DLGAP1: variants seen among roughly 807,000 people sequenced by gnomAD.
The protein encoded by DLGAP1 is DLG associated protein 1.
In DLGAP1, 11 loss-of-function variants were observed where a neutral mutation model predicts 90.8. That is an observed-to-expected ratio of 0.12 (90% confidence interval 0.08 to 0.20). The LOEUF (loss-of-function observed/expected upper bound fraction) is 0.20, where lower values mean the gene tolerates loss of function less well. Ranked by LOEUF, DLGAP1 falls within the 10% of genes least tolerant of loss-of-function variation. The pLI is 1.00. For missense variants in DLGAP1, 1,050 were observed against 1,333.8 expected (o/e 0.79, Z 3.31); for synonymous variants, 558 against 540.7 (o/e 1.03, Z -0.44).
intron 7 of DLGAP1, among the ~76,000 whole-genome samples, chr18:3,686,078 G>A (rs1477777886): frequency 6.6e-6 from 1 of 152,154 alleles, no homozygotes; most frequent in Non-Finnish European, 1.5e-5. Flanking sequence ...TTGGGAGGCT[G>A]AGGCAGGAGA....
At chr18:4,202,162 T>C (rs2077620912) in intron 1 of DLGAP1, among the ~76,000 whole-genome samples, 1 of 151,990 alleles carries the variant, frequency 6.6e-6, no homozygotes, top group Admixed American at 6.5e-5. Context: ...CACCATAGGA[T>C]ACTATTCAGC....
At chr18:3,553,376 T>C (rs553459116) in intron 9 of DLGAP1, among the ~76,000 whole-genome samples, 6 of 152,358 alleles carry the variant, frequency 3.9e-5, no homozygotes, top group Admixed American at 1.3e-4. Flanking sequence ...GATAGGATTA[T>C]GGGCGACTTT....
At chr18:3,884,880 A>T (rs1364850201) in intron 3 of DLGAP1, among the ~76,000 whole-genome samples, 1 of 152,242 alleles carries the variant, frequency 6.6e-6, no homozygotes, top group African/African-American at 2.4e-5. Flanking sequence ...GTCATAAAAA[A>T]TGGCAATAAA....
At chr18:4,323,713 T>TA (rs1568514008) in intron 1 of DLGAP1, among the ~76,000 whole-genome samples, 1 of 152,018 alleles carries the variant, frequency 6.6e-6, no homozygotes, top group South Asian at 2.1e-4. Context: ...AACCAATACT[T>TA]AAAAAATCAC....
chr18:3,903,041 A>C (rs1246024326), intron 3 of DLGAP1, among the ~76,000 whole-genome samples: 1 of 152,134 alleles, frequency 6.6e-6, no homozygotes, highest in Non-Finnish European at 1.5e-5. Context: ...CCATGTGTAC[A>C]CTGTGTTTAA....
intron 2 of DLGAP1, among the ~76,000 whole-genome samples, chr18:4,061,496 G>T (rs1300522465): frequency 6.6e-6 from 1 of 152,046 alleles, no homozygotes; most frequent in Non-Finnish European, 1.5e-5. Context: ...TCACTGTTCT[G>T]CTCTTTAACA....
intron 2 of DLGAP1, among the ~76,000 whole-genome samples, chr18:4,012,237 T>C (rs1469502645): frequency 6.6e-6 from 1 of 152,176 alleles, no homozygotes; most frequent in Non-Finnish European, 1.5e-5. Context: ...AATGTTCTAA[T>C]ACATCTGCTT....
intron 7 of DLGAP1, among the ~76,000 whole-genome samples, chr18:3,644,358 A>T (rs2059043953): frequency 6.6e-6 from 1 of 152,166 alleles, no homozygotes. Context: ...ATTTATCCTG[A>T]AGACATATTA....
At chr18:4,427,667 A>G in intron 1 of DLGAP1, among the ~76,000 whole-genome samples, 1 of 152,210 alleles carries the variant, frequency 6.6e-6, no homozygotes, top group Non-Finnish European at 1.5e-5. Flanking sequence ...TGGTCAATCC[A>G]GCCTCAGACA....
intron 8 of DLGAP1, among the ~76,000 whole-genome samples, chr18:3,571,027 A>AT (rs1344209817): frequency 1.3e-5 from 2 of 151,842 alleles, no homozygotes; most frequent in African/African-American, 4.8e-5. Flanking sequence ...TTAACATCAA[A>AT]TTGTCAAGCT....
intron 7 of DLGAP1, among the ~76,000 whole-genome samples, chr18:3,641,831 G>A (rs566345142): frequency 6.6e-6 from 1 of 152,262 alleles, no homozygotes; most frequent in African/African-American, 2.4e-5. Context: ...AGCCTTTCAA[G>A]AGGATACAAA....
chr18:4,022,732 A>T (rs1045046585), intron 2 of DLGAP1, among the ~76,000 whole-genome samples: 4 of 152,000 alleles, frequency 2.6e-5, no homozygotes, highest in Admixed American at 2.0e-4. Context: ...TGTTGGGTGT[A>T]TCCACACTAA....
rs1542518 is a variant in DLGAP1 at position 4,411,953 on chromosome 18, G to T, written c.-267+43053C>A. Among the ~76,000 whole-genome samples the T allele has an allele frequency of 6.6e-5, 10 of 152,012 alleles. No individual in the cohort carries two copies. The East Asian group carries it at 1.6e-3, about 24-fold the overall frequency. Reference sequence around the variant, plus strand: ...TCAAAAGTCCAGCTCAGGTTCAAGGGGAGCAAAAAATAAGCTCAATTTCTG... The same window carrying T: ...TCAAAAGTCCAGCTCAGGTTCAAGGTGAGCAAAAAATAAGCTCAATTTCTG... On this transcript the variant is annotated intron_variant, in intron 1 of 12. Transcript: ENST00000315677.
At chr18:3,803,956 TCATA>T (rs1480130398) in intron 5 of DLGAP1, among the ~76,000 whole-genome samples, 1 of 84,630 alleles carries the variant, frequency 1.2e-5, no homozygotes, top group Non-Finnish European at 2.5e-5. Context: ...TTATGTAGGT[TCATA>T]TATATATATA....
At chr18:3,759,322 A>C (rs2063855292) in intron 5 of DLGAP1, among the ~76,000 whole-genome samples, 1 of 152,126 alleles carries the variant, frequency 6.6e-6, no homozygotes, top group East Asian at 1.9e-4. Context: ...CAACTGGAGA[A>C]ACTGTTCAAA....
At chr18:3,601,706 A>G (rs667829) in intron 7 of DLGAP1, among the ~76,000 whole-genome samples, 118,756 of 151,792 alleles carry the variant, frequency 0.78, 46,600 homozygotes, top group African/African-American at 0.84. Flanking sequence ...TTAGCCGGTC[A>G]TGGTGGCCTG....
chr18:3,922,845 G>A (rs1190711072), intron 3 of DLGAP1, among the ~76,000 whole-genome samples: 1 of 152,054 alleles, frequency 6.6e-6, no homozygotes, highest in African/African-American at 2.4e-5. Context: ...CAAAAAGCAT[G>A]CACTAGGCCG....
rs1367003138 is a variant in DLGAP1, at chr18:4,378,642, C to T, written c.-267+76364G>A. ...AGGCACACTACACAATTTGAAAGCA[C>T]CTAAGGTGCTCCGTACCTAATATGT... On this transcript the variant is annotated intron_variant, in intron 1 of 12. Transcript: ENST00000315677. This position sits in a 1 kb window ranked among gnomAD's most constrained non-coding sequence, Gnocchi z 4.5. Among the ~76,000 whole-genome samples, 4 of 152,238 alleles carry T rather than the reference C, an allele frequency of 2.6e-5. No individual in the cohort carries two copies. The highest frequency in any genetic ancestry group is 5.9e-5 in the Non-Finnish European group (4 of 67,992).
At chr18:3,550,295 G>A (rs1464154973) in intron 9 of DLGAP1, among the ~76,000 whole-genome samples, 3 of 151,972 alleles carry the variant, frequency 2.0e-5, no homozygotes, top group Non-Finnish European at 4.4e-5. Flanking sequence ...GCACAATCAC[G>A]GCTCACTGCA....
Sources: allele counts gnomAD v4.1 joint callset (sites outside exome capture counted in the v4.1 genomes callset), GRCh38; gene constraint gnomAD v4.1.1; non-coding constraint Gnocchi (gnomAD v3.1); transcripts MANE v1.5; gene names NCBI Gene and HGNC (gene_info 2026-07-23, HGNC 2026-07-21).